GRIA1: variants seen among roughly 807,000 people sequenced by gnomAD.
GRIA1 encodes the protein glutamate receptor 1.
A neutral mutation model predicts 99.2 loss-of-function variants in GRIA1; 31 were observed. The observed-to-expected ratio is 0.31, with a 90% CI of 0.23 to 0.42. GRIA1 has a LOEUF of 0.42. Among genes scored for constraint, GRIA1 ranks in the 10% least tolerant of loss-of-function variants. The pLI is 1.00. For missense variants in GRIA1, 782 were observed against 1,157.5 expected, an observed-to-expected ratio of 0.68 and a Z score of 4.71; for synonymous variants, 438 against 432.4, an observed-to-expected ratio of 1.01 and a Z score of -0.16.
intron 11 of GRIA1, among the ~76,000 whole-genome samples, chr5:153,730,876 C>G (rs1760962633): frequency 6.6e-6 from 1 of 152,068 alleles, no homozygotes; most frequent in Non-Finnish European, 1.5e-5. Flanking sequence ...TGCAACTGCT[C>G]TGATTAAGCC....
intron 2 of GRIA1, among the ~76,000 whole-genome samples, chr5:153,608,151 G>A (rs1180714753): frequency 6.6e-6 from 1 of 152,140 alleles, no homozygotes; most frequent in Non-Finnish European, 1.5e-5. Flanking sequence ...ACAGTAATCT[G>A]TCTGCCTTTG....
At chr5:153,695,591 G>A (rs1010831910) in intron 8 of GRIA1, among the ~76,000 whole-genome samples, 10 of 152,304 alleles carry the variant, frequency 6.6e-5, no homozygotes, top group South Asian at 4.1e-4. Flanking sequence ...TGGTCTCTGC[G>A]CCTCTGCTTC....
chr5:153,505,855 C>G (rs1464018669), intron 2 of GRIA1, among the ~76,000 whole-genome samples: 1 of 152,200 alleles, frequency 6.6e-6, no homozygotes, highest in Non-Finnish European at 1.5e-5. Context: ...GACATCACCA[C>G]TATGGTAGAG....
At chr5:153,579,087 C>A (rs1265101594) in intron 2 of GRIA1, among the ~76,000 whole-genome samples, 1 of 152,068 alleles carries the variant, frequency 6.6e-6, no homozygotes, top group Non-Finnish European at 1.5e-5. Flanking sequence ...AAATTTTGAA[C>A]TGAATTGTTT....
At chr5:153,799,965 A>G (rs1181024122) in intron 14 of GRIA1, among the ~76,000 whole-genome samples, 1 of 152,178 alleles carries the variant, frequency 6.6e-6, no homozygotes, top group African/African-American at 2.4e-5. Context: ...CCAGGGAGGC[A>G]GATACCCTCT....
chr5:153,786,378 G>C (rs1408904886), intron 13 of GRIA1, among the ~76,000 whole-genome samples: 2 of 151,812 alleles, frequency 1.3e-5, no homozygotes, highest in African/African-American at 4.8e-5. Flanking sequence ...TCCACCCACT[G>C]TCAGAATTCA....
In GRIA1 at chr5:153,786,604, C is replaced by T. The variant is rs564670878; in HGVS notation, c.2271-8017C>T. Among the ~76,000 whole-genome samples, 5 of 152,228 alleles carry T rather than the reference C, an allele frequency of 3.3e-5. No individual in the cohort carries two copies. The South Asian group carries it at 1.0e-3, about 32-fold the overall frequency. On this transcript the variant is annotated intron_variant, in intron 13 of 15. Coordinates refer to ENST00000285900, the MANE Select transcript of GRIA1 (RefSeq NM_000827.4). ...AATGTTTGAAGTGTTGACCCAAAGA[C>T]ACTAACTCTTTACTCTGAAGGCTTT... is the stretch of plus-strand genomic sequence containing the variant.
Position 153,802,494 on chromosome 5 carries a change from G to A in GRIA1, c.2520+4G>A. On this transcript the variant is annotated splice_donor_region_variant and intron_variant, in intron 15 of 15. Coordinates refer to ENST00000285900, the MANE Select transcript of GRIA1 (RefSeq NM_000827.4). Reference sequence around the variant, plus strand: ...TAGTGAATCCAAGCGGATGAAGGTGGCATCGTCTTCCCGGGCCTTTTTCCT... The same window carrying A: ...TAGTGAATCCAAGCGGATGAAGGTGACATCGTCTTCCCGGGCCTTTTTCCT... The A allele has an allele frequency of 1.9e-6, 3 of 1,613,928 alleles. No individual in the cohort carries two copies. The highest frequency in any genetic ancestry group is 2.2e-5 in the East Asian group (1 of 44,848).
At chr5:153,734,378 A>G (rs1761243260) in intron 11 of GRIA1, among the ~76,000 whole-genome samples, 1 of 152,210 alleles carries the variant, frequency 6.6e-6, no homozygotes, top group Non-Finnish European at 1.5e-5. Context: ...ACTGAATAAA[A>G]AAGGAAAATT....
chr5:153,578,898 A>G (rs1762805523), intron 2 of GRIA1, among the ~76,000 whole-genome samples: 1 of 151,930 alleles, frequency 6.6e-6, no homozygotes, highest in Non-Finnish European at 1.5e-5. Context: ...ACAGAGGGAG[A>G]CTCCATCTCA....
At chr5:153,700,742 G>A (rs535320729) in intron 10 of GRIA1, among the ~76,000 whole-genome samples, 2 of 152,312 alleles carry the variant, frequency 1.3e-5, no homozygotes, top group South Asian at 2.1e-4. Flanking sequence ...GTGCTCATAA[G>A]GACAAGCAGC....
intron 2 of GRIA1, among the ~76,000 whole-genome samples, chr5:153,577,526 GAGAAAA>G (rs1762672698): frequency 6.6e-6 from 1 of 152,164 alleles, no homozygotes; most frequent in South Asian, 2.1e-4. Flanking sequence ...TCCTTTAGTT[GAGAAAA>G]ATAGAATCCT....
At chr5:153,799,143 G>A (rs974386738) in intron 14 of GRIA1, among the ~76,000 whole-genome samples, 1 of 152,094 alleles carries the variant, frequency 6.6e-6, no homozygotes, top group Non-Finnish European at 1.5e-5. Flanking sequence ...AGGAGAATGG[G>A]GTACCCTGAG....
intron 11 of GRIA1, among the ~76,000 whole-genome samples, chr5:153,741,227 G>T (rs1028778498): frequency 2.0e-5 from 3 of 151,142 alleles, no homozygotes; most frequent in African/African-American, 7.3e-5. Context: ...GCCCACCTCG[G>T]CCTCCCAAAG....
At chr5:153,672,327 G>A (rs986942230) in intron 5 of GRIA1, among the ~76,000 whole-genome samples, 1 of 152,210 alleles carries the variant, frequency 6.6e-6, no homozygotes, top group Non-Finnish European at 1.5e-5. Flanking sequence ...GGTGTTTGCA[G>A]TTGGTACGTA....
Position 153,494,021 on chromosome 5 carries a change from T to C in GRIA1, c.176T>C (p.Ile59Thr). The C allele has an allele frequency of 1.2e-6, 2 of 1,614,108 alleles. No homozygotes were observed. The highest frequency in any genetic ancestry group is 1.7e-6 in the Non-Finnish European group (2 of 1,179,948). Residue 59 changes from isoleucine (I) to threonine (T), a missense_variant, in exon 2 of 16, where the codon ATT becomes ACT. Ile to Thr is a moderately conservative substitution (Grantham distance 89). Transcript: ENST00000285900. ...LTEPPKLLPQ[I>T]DIVNISDSFE... ...GAGCCCCCGAAGCTGCTCCCCCAGA[T>C]TGATATTGTGAACATCAGCGACAGC... is the stretch of plus-strand genomic sequence containing the variant.
intron 11 of GRIA1, among the ~76,000 whole-genome samples, chr5:153,710,619 A>G (rs980118340): frequency 1.3e-5 from 2 of 152,222 alleles, no homozygotes; most frequent in East Asian, 3.8e-4. Flanking sequence ...AGTACCTTCA[A>G]CTTTCATTTC....
intron 5 of GRIA1, among the ~76,000 whole-genome samples, chr5:153,673,920 C>G (rs895932418): frequency 6.6e-6 from 1 of 152,182 alleles, no homozygotes; most frequent in African/African-American, 2.4e-5. Context: ...TGGAAAAGAG[C>G]ACAGGGTGAG....
At chr5:153,657,269 T>C (rs1389501648) in intron 5 of GRIA1, among the ~76,000 whole-genome samples, 1 of 152,202 alleles carries the variant, frequency 6.6e-6, no homozygotes, top group Non-Finnish European at 1.5e-5. Context: ...AAAATTATTT[T>C]CCAAAGTGGC....
Sources: allele counts gnomAD v4.1 joint callset (sites outside exome capture counted in the v4.1 genomes callset), GRCh38; gene constraint gnomAD v4.1.1; transcripts MANE v1.5; gene names NCBI Gene and HGNC (gene_info 2026-07-23, HGNC 2026-07-21).